The following DLG2 variants were observed in gnomAD, a reference collection of about 807,000 sequenced individuals.
DLG2 encodes discs large MAGUK scaffold protein 2.
DLG2 carries 45 observed loss-of-function variants against 132.5 expected under a neutral mutation model. That is an observed-to-expected ratio of 0.34 (90% CI 0.27 to 0.44). The LOEUF (loss-of-function observed/expected upper bound fraction) is 0.44. Among genes scored for constraint, DLG2 ranks in the 20% least tolerant of loss-of-function variants. The pLI, the probability that DLG2 is intolerant of heterozygous loss-of-function variation, is 1.00. For synonymous variants in DLG2, 424 were observed against 419.6 expected, an observed-to-expected ratio of 1.01 and a Z score of -0.13; for missense variants, 1,045 against 1,196.9, an observed-to-expected ratio of 0.87 and a Z score of 1.87.
intron 17 of DLG2, among the ~76,000 whole-genome samples, chr11:83,801,542 C>T (rs372741549): frequency 9.2e-5 from 14 of 152,314 alleles, no homozygotes; most frequent in African/African-American, 3.4e-4. Context: ...CAAGTTTCCT[C>T]CAGTCTTACA....
At chr11:84,400,772 T>C (rs1226459224) in intron 7 of DLG2, among the ~76,000 whole-genome samples, 2 of 152,200 alleles carry the variant, frequency 1.3e-5, no homozygotes, top group Non-Finnish European at 2.9e-5. Context: ...TTGCTTTTTT[T>C]GTATGTTTAA....
At chr11:85,365,982 C>T (rs994480406) in intron 3 of DLG2, among the ~76,000 whole-genome samples, 2 of 152,040 alleles carry the variant, frequency 1.3e-5, no homozygotes, top group African/African-American at 4.8e-5. Flanking sequence ...CACCTAATGT[C>T]AGGTTGATGG....
At chr11:84,778,732 G>T (rs1021681886) in intron 6 of DLG2, among the ~76,000 whole-genome samples, 1 of 152,090 alleles carries the variant, frequency 6.6e-6, no homozygotes, top group Admixed American at 6.6e-5. Context: ...ATGTATCTGG[G>T]TGTTGCCAGA....
chr11:83,540,843 G>A (rs1267735098), intron 20 of DLG2, among the ~76,000 whole-genome samples: 3 of 152,148 alleles, frequency 2.0e-5, no homozygotes, highest in Non-Finnish European at 4.4e-5. Context: ...GACTGATTTT[G>A]TACTATATCT....
At chr11:84,121,151 T>A (rs573254606) in intron 9 of DLG2, among the ~76,000 whole-genome samples, 1 of 152,230 alleles carries the variant, frequency 6.6e-6, no homozygotes, top group Non-Finnish European at 1.5e-5. Flanking sequence ...AGTCCTCACT[T>A]TACTGGGTTC....
At chr11:85,183,393 C>T (rs778978184) in intron 4 of DLG2, among the ~76,000 whole-genome samples, 4 of 151,636 alleles carry the variant, frequency 2.6e-5, no homozygotes, top group African/African-American at 4.8e-5. Context: ...ATTAACAAAC[C>T]CCAAAGTAGT....
intron 6 of DLG2, among the ~76,000 whole-genome samples, chr11:84,674,687 T>A (rs1210745629): frequency 6.6e-6 from 1 of 152,150 alleles, no homozygotes; most frequent in Non-Finnish European, 1.5e-5. Flanking sequence ...TAACCTCTCA[T>A]TGACCTCCTT....
chr11:85,142,283 A>G lies in DLG2; in HGVS notation c.282+12273T>C, dbSNP rs377102878. ...AAGAGATCATTTACTTCTGTGATTA[A>G]AATTTATTCCTAGGCATATTATTTT... On this transcript the variant is annotated intron_variant, in intron 5 of 27. Transcript: ENST00000376104. Among the ~76,000 whole-genome samples, 108 of 151,874 alleles carry G rather than the reference A, an allele frequency of 7.1e-4. 1 individual carries two copies. The highest frequency in any genetic ancestry group is 2.4e-3 in the African/African-American group (99 of 41,528).
chr11:84,990,731 CTA>C (rs2057005785), intron 6 of DLG2, among the ~76,000 whole-genome samples: 2 of 132,816 alleles, frequency 1.5e-5, no homozygotes, highest in African/African-American at 5.7e-5. Flanking sequence ...TGCAGAGAAA[CTA>C]GATCACTTAA....
At chr11:85,209,594 A>ATTTTT (rs1180397871) in intron 4 of DLG2, among the ~76,000 whole-genome samples, 2 of 26,140 alleles carry the variant, frequency 7.7e-5, no homozygotes, top group Admixed American at 3.2e-4. Flanking sequence ...CACCCAGCTA[A>ATTTTT]CTTTTTTTTT....
At chr11:85,053,831 G>A (rs1214223115) in intron 6 of DLG2, among the ~76,000 whole-genome samples, 1 of 148,660 alleles carries the variant, frequency 6.7e-6, no homozygotes, top group African/African-American at 2.5e-5. Flanking sequence ...TTCATGGTGA[G>A]TACAAAAGTC....
chr11:84,528,937 T>C (rs1466964052), intron 7 of DLG2, among the ~76,000 whole-genome samples: 1 of 152,234 alleles, frequency 6.6e-6, no homozygotes, highest in Non-Finnish European at 1.5e-5. Flanking sequence ...TCACTCGTAC[T>C]AGCTCATGAG....
intron 4 of DLG2, among the ~76,000 whole-genome samples, chr11:85,248,338 CATT>C (rs915143730): frequency 1.3e-5 from 2 of 151,970 alleles, no homozygotes; most frequent in African/African-American, 4.8e-5. Context: ...GCATTGAGAT[CATT>C]ATTATTTTAA....
At chr11:83,967,833 T>C (rs1388120598) in intron 12 of DLG2, among the ~76,000 whole-genome samples, 1 of 152,186 alleles carries the variant, frequency 6.6e-6, no homozygotes, top group Non-Finnish European at 1.5e-5. Context: ...TGTTCTTTTC[T>C]AGAAATTTTA....
At chr11:84,350,607 G>C (rs1247074625) in intron 7 of DLG2, among the ~76,000 whole-genome samples, 1 of 152,186 alleles carries the variant, frequency 6.6e-6, no homozygotes, top group Admixed American at 6.5e-5. Context: ...AATGGAATGA[G>C]TTGATACATT....
chr11:85,320,908 T>A (rs2081019484), intron 3 of DLG2, among the ~76,000 whole-genome samples: 1 of 151,714 alleles, frequency 6.6e-6, no homozygotes. Context: ...CCTTTGGATT[T>A]TTTTTTTCAG....
rs141030383 is a variant in DLG2 at position 83,815,571 on chromosome 11, G to A, written c.1722+18043C>T. 2.0e-4 allele frequency among the ~76,000 whole-genome samples: 30 copies of A among 152,240 alleles called. No homozygotes were observed. The East Asian group carries it at 5.8e-3, about 29-fold the overall frequency. On this transcript the variant is annotated intron_variant, in intron 17 of 27. Transcript: ENST00000376104. ...CTCCCATAGTGCCTACGCTCCAGCT[G>A]GACCACAGAACTCCTGCAGCCCACC...
At position 84,446,038 on chromosome 11, in the gene DLG2, G is replaced by A. The variant is rs758780650; in HGVS notation, c.519+88532C>T. The stretch of plus-strand genomic sequence containing the variant: ...TTTTCTGGACCATTTTATTCTACCC[G>A]TACTATTGCTTCATAGAGCTCATAT... On this transcript the variant is annotated intron_variant, in intron 7 of 27. Coordinates refer to ENST00000376104, the MANE Select transcript of DLG2 (RefSeq NM_001142699.3). Among the ~76,000 whole-genome samples, 7 of 147,264 alleles carry A rather than the reference G, an allele frequency of 4.8e-5. No homozygotes were observed. In the East Asian group the frequency reaches 6.0e-4, roughly 13 times the overall value.
chr11:83,578,195 A>T (rs903620830), intron 19 of DLG2, among the ~76,000 whole-genome samples: 1 of 151,238 alleles, frequency 6.6e-6, no homozygotes, highest in African/African-American at 2.4e-5. Flanking sequence ...TATTGATAGT[A>T]ATGCTAGAAT....
Sources: allele counts gnomAD v4.1 joint callset (sites outside exome capture counted in the v4.1 genomes callset), GRCh38; gene constraint gnomAD v4.1.1; transcripts MANE v1.5; gene names NCBI Gene and HGNC (gene_info 2026-07-23, HGNC 2026-07-21).